Variants in PCLO observed in about 807,000 individuals in gnomAD.
PCLO encodes piccolo presynaptic cytomatrix protein.
A neutral mutation model predicts 427.5 loss-of-function variants in PCLO; 82 were observed. The observed-to-expected ratio is 0.19, with a 90% CI of 0.16 to 0.23. The LOEUF is 0.23. PCLO is among the 10% of genes least tolerant of loss of function. The pLI is 1.00. For missense variants in PCLO, 6,239 were observed against 6,115.9 expected, an observed-to-expected ratio of 1.02 and a Z score of -0.67; for synonymous variants, 2,357 against 2,155.4, an observed-to-expected ratio of 1.09 and a Z score of -2.59.
chr7:83,083,214 G>A (rs727492), intron 3 of PCLO, among the ~76,000 whole-genome samples: 42,575 of 151,692 alleles, frequency 0.28, 7,030 homozygotes, highest in East Asian at 0.56. Flanking sequence ...AATAGATAAT[G>A]TTACAATGGC....
At chr7:83,043,912 C>CTTTTTTTTTTTTTTTTTTTATTTTTTTTT (rs1789034470) in intron 3 of PCLO, among the ~76,000 whole-genome samples, 1 of 94,910 alleles carries the variant, frequency 1.1e-5, no homozygotes, top group Non-Finnish European at 2.0e-5. Flanking sequence ...CTATTATTTT[C>CTTTTTTTTTTTTTTTTTTTATTTTTTTTT]TTTTTTTTTT....
At chr7:83,037,246 A>G (rs184952362) in intron 3 of PCLO, among the ~76,000 whole-genome samples, 1 of 152,082 alleles carries the variant, frequency 6.6e-6, no homozygotes, top group Non-Finnish European at 1.5e-5. Context: ...AAATGCTTTT[A>G]AACAGTTTTC....
intron 3 of PCLO, among the ~76,000 whole-genome samples, chr7:82,971,741 C>CATATATAT: frequency 7.0e-6 from 1 of 142,306 alleles, no homozygotes; most frequent in East Asian, 2.0e-4. Context: ...TTGTACCAAC[C>CATATATAT]ATATATATAT....
rs1164921893 is a variant in PCLO, at chr7:82,914,102, CAG to C, written c.13300+582_13300+583del. Among the ~76,000 whole-genome samples the C allele has an allele frequency of 5.3e-5, 8 of 151,920 alleles. No homozygotes were observed. In the East Asian group the frequency reaches 1.2e-3, roughly 22 times the overall value. ...TTCATAATGAGAGAGAAAGATAAAA[CAG>C]AAATCTTTTATTTAAGGAAAATAAC... On this transcript the variant is annotated intron_variant, in intron 7 of 24. Coordinates refer to ENST00000333891, the MANE Select transcript of PCLO (RefSeq NM_033026.6).
chr7:82,869,848 A>T (rs1793187356), intron 10 of PCLO, among the ~76,000 whole-genome samples: 1 of 152,146 alleles, frequency 6.6e-6, no homozygotes, highest in African/African-American at 2.4e-5. Flanking sequence ...AAATAAATGA[A>T]AGATCTTTAC....
At position 82,956,908 on chromosome 7, in the gene PCLO, A is replaced by G; in HGVS notation, c.4045T>C (p.Ser1349Pro). 6.2e-7 allele frequency: 1 copy of G among 1,607,704 alleles called. No individual in the cohort carries two copies. Among genetic ancestry groups the G allele is most frequent in the Non-Finnish European group, 8.5e-7 (1 of 1,177,458 alleles). ...TEKEDDKSDTSSSQQPKSPQG... is the reference protein window; with the variant it reads ...TEKEDDKSDTPSSQQPKSPQG... Reference sequence around the variant, plus strand: ...GGGCTTTTAGGCTGCTGAGAACTTGAGGTGTCTGATTTGTCATCTTCCTTT... The same window carrying G: ...GGGCTTTTAGGCTGCTGAGAACTTGGGGTGTCTGATTTGTCATCTTCCTTT... The change falls in exon 5 of 25, where the codon TCA (serine) becomes CCA (proline). Residue 1349 changes from serine to proline, a missense_variant. Ser to Pro is a moderately conservative substitution (Grantham distance 74). Coordinates refer to ENST00000333891, the MANE Select transcript of PCLO (RefSeq NM_033026.6).
At chr7:82,879,559 G>C in intron 9 of PCLO, 97 bp from the exon 10 acceptor site, 4 of 796,578 alleles carry the variant, frequency 5.0e-6, no homozygotes, top group Non-Finnish European at 3.9e-6. Context: ...CTGGTATCCA[G>C]AAGCTAAATA....
intron 7 of PCLO, among the ~76,000 whole-genome samples, chr7:82,913,610 T>C (rs1300581599): frequency 1.3e-5 from 2 of 152,090 alleles, no homozygotes; most frequent in Non-Finnish European, 2.9e-5. Flanking sequence ...GGCTAGGCTC[T>C]TCACACCTTT....
chr7:82,755,867 G>A lies in PCLO; in HGVS notation c.*2708C>T, dbSNP rs1790307765. 1 of 152,078 alleles carries A rather than the reference G, an allele frequency of 6.6e-6. No homozygotes were observed. Among genetic ancestry groups the A allele is most frequent in the Non-Finnish European group, 1.5e-5 (1 of 68,010 alleles). The allele number at this position is 152,078 out of a possible 1,614,324, so 9.4% of individuals were successfully genotyped here. A position where few individuals can be genotyped will look rare whatever the true frequency, so the allele number is the denominator to read the frequency against. ...AGAATAATTCCAGTACAACCTAGAA[G>A]TTTGGTCAGCTGCAAACTTGGCACA... is the stretch of plus-strand genomic sequence containing the variant. On this transcript the variant is annotated 3_prime_UTR_variant, in exon 25 of 25. Transcript: ENST00000333891.
chr7:82,855,670 T>C (rs893951628), intron 10 of PCLO, among the ~76,000 whole-genome samples: 30 of 152,054 alleles, frequency 2.0e-4, no homozygotes, highest in African/African-American at 5.8e-4. Flanking sequence ...GTGACAGAAA[T>C]GAATAAAATT....
At chr7:82,888,892 T>C (rs190522051) in intron 9 of PCLO, among the ~76,000 whole-genome samples, 231 of 152,258 alleles carry the variant, frequency 1.5e-3, no homozygotes, top group African/African-American at 5.4e-3. Context: ...GACTCAATAT[T>C]AGATGCTGCG....
intron 9 of PCLO, among the ~76,000 whole-genome samples, chr7:82,885,336 T>A (rs926491074): frequency 1.3e-5 from 2 of 152,118 alleles, no homozygotes; most frequent in Admixed American, 1.3e-4. Flanking sequence ...TACAAGAGAC[T>A]GAATCCTACC....
At chr7:82,765,734 G>A (rs976917344) in intron 22 of PCLO, among the ~76,000 whole-genome samples, 8 of 151,740 alleles carry the variant, frequency 5.3e-5, no homozygotes, top group African/African-American at 1.9e-4. Flanking sequence ...ATTCAGTTCT[G>A]GTCACTTAAC....
chr7:82,962,183 T>A (rs1795668860), intron 4 of PCLO, among the ~76,000 whole-genome samples: 1 of 152,158 alleles, frequency 6.6e-6, no homozygotes, highest in South Asian at 2.1e-4. Flanking sequence ...TCAAAGCCAG[T>A]GGTATTATGA....
chr7:82,841,428 T>C (rs745890386), intron 14 of PCLO, 31 bp downstream of exon 14: 2 of 1,442,596 alleles, frequency 1.4e-6, no homozygotes, highest in Non-Finnish European at 1.9e-6. Context: ...AAAAAGGTTA[T>C]ATAATGGCGA....
At position 82,952,358 on chromosome 7, in the gene PCLO, T is replaced by C. The variant is rs749656889; in HGVS notation, c.8595A>G (p.Thr2865=). The change falls in exon 5 of 25, where the codon ACA becomes ACG. Residue 2865 remains threonine (T), a synonymous_variant. Transcript: ENST00000333891. ...CAGTGACAGGTTTTGTAATAGCCAA[T>C]GTCACTGCATGTGCTGGAGTACCTA... is the stretch of plus-strand genomic sequence containing the variant. ...LSLGTPAHAV[T]LAITKPVTVP... The C allele has an allele frequency of 1.2e-6, 2 of 1,613,964 alleles. No homozygotes were observed. Among genetic ancestry groups the C allele is most frequent in the Non-Finnish European group, 1.7e-6 (2 of 1,179,840 alleles).
intron 10 of PCLO, among the ~76,000 whole-genome samples, chr7:82,850,142 G>A (rs1415377220): frequency 1.3e-5 from 2 of 151,984 alleles, no homozygotes; most frequent in Non-Finnish European, 2.9e-5. Context: ...CTGAGTAGCT[G>A]GGATTACAGG....
chr7:83,055,768 T>C (rs2116286154), intron 3 of PCLO, among the ~76,000 whole-genome samples: 1 of 152,294 alleles, frequency 6.6e-6, no homozygotes, highest in East Asian at 1.9e-4. Flanking sequence ...TTCTACACAG[T>C]AAGGAAAAGC....
In PCLO at chr7:83,055,110, C is replaced by T. The variant is rs145621674; in HGVS notation, c.3300+79140G>A. On this transcript the variant is annotated intron_variant, in intron 3 of 24. Transcript: ENST00000333891. Reference sequence around the variant, plus strand: ...AACTTCATCACTACAGGAAACAGCACGTTTTTGCTAATAAAAACTTTGACT... The same window carrying T: ...AACTTCATCACTACAGGAAACAGCATGTTTTTGCTAATAAAAACTTTGACT... Among the ~76,000 whole-genome samples, 459 of 152,158 alleles carry T rather than the reference C, an allele frequency of 3.0e-3. 2 individuals carry two copies. The highest frequency in any genetic ancestry group is 0.01 in the African/African-American group (431 of 41,564).
Sources: gnomAD v4.1 joint callset for allele counts (sites outside exome capture counted in the v4.1 genomes callset) on GRCh38, gnomAD v4.1.1 for gene constraint, MANE v1.5 for transcripts, NCBI Gene and HGNC (gene_info 2026-07-23, HGNC 2026-07-21) for gene names.